Variants in CSMD1 observed in about 807,000 individuals in gnomAD.
CSMD1 encodes CUB and sushi domain-containing protein 1.
CSMD1 carries 213 observed loss-of-function variants against 417.5 expected under a neutral mutation model. The ratio of observed to expected loss-of-function variants is 0.51; its 90% confidence interval spans 0.46 to 0.57. The LOEUF is 0.57. CSMD1 is among the 20% of genes least tolerant of loss of function. The pLI is 0.00. For synonymous variants in CSMD1, 2,862 were observed against 1,736.8 expected, an observed-to-expected ratio of 1.65 and a Z score of -16.11; for missense variants, 6,923 against 4,529.7, an observed-to-expected ratio of 1.53 and a Z score of -15.17.
chr8:3,872,658 A>C (rs550761376), intron 5 of CSMD1, among the ~76,000 whole-genome samples: 1 of 152,134 alleles, frequency 6.6e-6, no homozygotes, highest in African/African-American at 2.4e-5. Flanking sequence ...TAATGAGTTT[A>C]TTTCCTGAGC....
chr8:3,742,084 G>T (rs1353960854), intron 6 of CSMD1, among the ~76,000 whole-genome samples: 1 of 151,100 alleles, frequency 6.6e-6, no homozygotes, highest in Non-Finnish European at 1.5e-5. Flanking sequence ...ACATCCTGGT[G>T]CACCTGGCTC....
At chr8:4,343,267 T>C (rs1287120277) in intron 3 of CSMD1, among the ~76,000 whole-genome samples, 1 of 151,940 alleles carries the variant, frequency 6.6e-6, no homozygotes, top group Non-Finnish European at 1.5e-5. Flanking sequence ...TTGCCAGTGG[T>C]TGTGGGGAAG....
intron 23 of CSMD1, among the ~76,000 whole-genome samples, chr8:3,326,971 G>A (rs773406605): frequency 2.6e-5 from 4 of 151,664 alleles, no homozygotes; most frequent in Non-Finnish European, 5.9e-5. Context: ...GAGCCCAGGA[G>A]CTCAAGACCT....
chr8:4,111,250 A>G (rs1427052300), intron 3 of CSMD1, among the ~76,000 whole-genome samples: 2 of 152,070 alleles, frequency 1.3e-5, no homozygotes, highest in African/African-American at 4.8e-5. Context: ...TTCTATTATC[A>G]TCAGTCAGTT....
intron 5 of CSMD1, among the ~76,000 whole-genome samples, chr8:3,757,779 G>T (rs866880697): frequency 6.6e-6 from 1 of 151,900 alleles, no homozygotes; most frequent in Non-Finnish European, 1.5e-5. Flanking sequence ...AACCTGGGAG[G>T]CAGAGGTTGC....
rs188347801 is a variant in CSMD1 at position 3,472,159 on chromosome 8, G to T, written c.1449-3335C>A. ...CTTGTAAAGTGACTCAAGGGTTCTT[G>T]GCTCTTTTAACCCAATAACTTTTCT... On this transcript the variant is annotated intron_variant, in intron 11 of 69. Coordinates refer to ENST00000635120, the MANE Select transcript of CSMD1 (RefSeq NM_033225.6). Among the ~76,000 whole-genome samples the T allele has an allele frequency of 2.0e-5, 3 of 152,100 alleles. No individual in the cohort carries two copies. The East Asian group carries it at 5.8e-4, about 29-fold the overall frequency.
At chr8:4,866,391 G>C (rs781233196) in intron 1 of CSMD1, among the ~76,000 whole-genome samples, 1 of 151,878 alleles carries the variant, frequency 6.6e-6, no homozygotes, top group African/African-American at 2.4e-5. Context: ...ACCTCCTGTG[G>C]TTAACATCTC....
At chr8:4,184,049 T>G (rs1018286402) in intron 3 of CSMD1, among the ~76,000 whole-genome samples, 6 of 152,224 alleles carry the variant, frequency 3.9e-5, no homozygotes, top group African/African-American at 1.4e-4. Context: ...CAAATTCTGT[T>G]ATTATCTACC....
intron 5 of CSMD1, among the ~76,000 whole-genome samples, chr8:3,899,356 C>T (rs1383964960): frequency 1.3e-5 from 2 of 152,168 alleles, no homozygotes; most frequent in African/African-American, 2.4e-5. Context: ...TGGACAGATT[C>T]TCCGCCCTGG....
chr8:3,197,089 C>T (rs942149025), intron 33 of CSMD1, among the ~76,000 whole-genome samples: 10 of 152,162 alleles, frequency 6.6e-5, no homozygotes, highest in Admixed American at 2.6e-4. Flanking sequence ...TAGAATACTG[C>T]ATTAAAGAGC....
At chr8:4,784,658 G>A (rs1429347035) in intron 1 of CSMD1, among the ~76,000 whole-genome samples, 1 of 152,108 alleles carries the variant, frequency 6.6e-6, no homozygotes, top group Non-Finnish European at 1.5e-5. Flanking sequence ...TTAAAAGAAG[G>A]GCAAATATTT....
intron 5 of CSMD1, among the ~76,000 whole-genome samples, chr8:3,878,825 A>G (rs894885186): frequency 1.3e-5 from 2 of 152,164 alleles, no homozygotes; most frequent in African/African-American, 2.4e-5. Flanking sequence ...CCAGCTTTCC[A>G]TATCTTATCA....
intron 1 of CSMD1, among the ~76,000 whole-genome samples, chr8:4,673,734 T>A (rs1019984724): frequency 2.0e-5 from 3 of 152,188 alleles, no homozygotes; most frequent in Admixed American, 6.5e-5. Flanking sequence ...GACGACATAA[T>A]GCTAAGTGTA....
intron 1 of CSMD1, among the ~76,000 whole-genome samples, chr8:4,813,625 G>C (rs1000466447): frequency 6.6e-6 from 1 of 152,088 alleles, no homozygotes; most frequent in Non-Finnish European, 1.5e-5. Context: ...TTTCTAAAAG[G>C]GTCTCCAGAG....
At chr8:3,505,975 G>A (rs569105920) in intron 10 of CSMD1, among the ~76,000 whole-genome samples, 8 of 152,318 alleles carry the variant, frequency 5.3e-5, no homozygotes, top group Non-Finnish European at 1.0e-4. Flanking sequence ...GAAGAGGGTT[G>A]AGTGGATAAA....
intron 4 of CSMD1, among the ~76,000 whole-genome samples, chr8:4,013,610 C>T (rs1290687668): frequency 3.3e-5 from 5 of 152,162 alleles, no homozygotes; most frequent in Non-Finnish European, 1.5e-5. Context: ...TTATCTGTTG[C>T]TTCTCATTTG....
At chr8:4,635,953 A>G (rs1333804459) in intron 2 of CSMD1, among the ~76,000 whole-genome samples, 6 of 152,086 alleles carry the variant, frequency 3.9e-5, no homozygotes, top group African/African-American at 9.7e-5. Flanking sequence ...ACTCAGAAAA[A>G]AAACTAGGTG....
intron 3 of CSMD1, among the ~76,000 whole-genome samples, chr8:4,234,625 C>A (rs77109646): frequency 6.6e-6 from 1 of 152,210 alleles, no homozygotes; most frequent in East Asian, 1.9e-4. Flanking sequence ...CCATTTTATT[C>A]TAGGACATGG....
At chr8:4,609,458 T>A (rs2466731) in intron 2 of CSMD1, among the ~76,000 whole-genome samples, 15 of 152,096 alleles carry the variant, frequency 9.9e-5, no homozygotes, top group African/African-American at 3.4e-4. Flanking sequence ...GCTGGGGTAT[T>A]TTGTTATGTT....
Sources: allele counts gnomAD v4.1 joint callset (sites outside exome capture counted in the v4.1 genomes callset), GRCh38; gene constraint gnomAD v4.1.1; transcripts MANE v1.5; gene names NCBI Gene and HGNC (gene_info 2026-07-23, HGNC 2026-07-21).